WWOX: variants seen among roughly 807,000 people sequenced by gnomAD.
WWOX encodes the protein WW domain containing oxidoreductase, also known as WW domain-containing oxidoreductase.
Under a neutral mutation model 46.2 loss-of-function variants are expected in WWOX, and 69 were observed. That is an observed-to-expected ratio of 1.49 (90% confidence interval 1.23 to 1.82). WWOX has a LOEUF of 1.82. WWOX is among the 40% of genes most tolerant of loss of function. The pLI is 0.00. For missense variants in WWOX, 919 were observed against 542.6 expected (o/e 1.69, Z -6.89); for synonymous variants, 359 against 202.6 (o/e 1.77, Z -6.56).
intron 8 of WWOX, among the ~76,000 whole-genome samples, chr16:79,092,222 A>T (rs1262461474): frequency 1.3e-5 from 2 of 152,114 alleles, no homozygotes; most frequent in Non-Finnish European, 1.5e-5. Flanking sequence ...GACTAATAGG[A>T]TTCATTACAT....
At chr16:78,376,103 G>T (rs752641455) in intron 5 of WWOX, among the ~76,000 whole-genome samples, 1 of 152,144 alleles carries the variant, frequency 6.6e-6, no homozygotes, top group Non-Finnish European at 1.5e-5. Flanking sequence ...ACCCGCTTCA[G>T]CCTCCCAAAG....
chr16:79,174,910 A>G (rs1246628820), intron 8 of WWOX, among the ~76,000 whole-genome samples: 1 of 152,160 alleles, frequency 6.6e-6, no homozygotes, highest in Non-Finnish European at 1.5e-5. Context: ...TCATTTTGCA[A>G]AATGTATTCC....
chr16:78,513,675 C>G (rs1373629899), intron 8 of WWOX, among the ~76,000 whole-genome samples: 1 of 152,178 alleles, frequency 6.6e-6, no homozygotes, highest in Non-Finnish European at 1.5e-5. Flanking sequence ...TAAAAGGATT[C>G]TGTGTCAAAA....
Position 78,346,202 on chromosome 16 carries a change from G to C in WWOX, c.517-40658G>C, listed in dbSNP as rs1448968681. ...TGTACCCATACTGCTGCCTGTATCA[G>C]TGGCTTACTCATTGTCATTGGTGAG... On this transcript the variant is annotated intron_variant, in intron 5 of 8. Coordinates refer to ENST00000566780, the MANE Select transcript of WWOX (RefSeq NM_016373.4). 1.6e-5 allele frequency among the ~76,000 whole-genome samples: 2 copies of C among 121,652 alleles called. 1 individual carries two copies. The highest frequency in any genetic ancestry group is 3.9e-5 in the Non-Finnish European group (2 of 50,864). The allele number at this position is 121,652 out of a possible 152,430, so 79.8% of individuals were successfully genotyped here.
chr16:78,851,575 G>C (rs539862126), intron 8 of WWOX, among the ~76,000 whole-genome samples: 3 of 152,164 alleles, frequency 2.0e-5, no homozygotes, highest in Admixed American at 6.5e-5. Context: ...TTTCCCACTA[G>C]ACGGTGAGGG....
chr16:78,104,144 C>T (rs2031981322), intron 1 of WWOX, among the ~76,000 whole-genome samples: 1 of 151,838 alleles, frequency 6.6e-6, no homozygotes, highest in African/African-American at 2.4e-5. Flanking sequence ...TTTTGGCAGT[C>T]AGAGGCCTCA....
chr16:79,052,698 CT>C (rs2048191566), intron 8 of WWOX, among the ~76,000 whole-genome samples: 1 of 152,190 alleles, frequency 6.6e-6, no homozygotes, highest in Admixed American at 6.5e-5. Context: ...ATAAATGAGC[CT>C]GTCTCCTTTG....
intron 8 of WWOX, among the ~76,000 whole-genome samples, chr16:78,958,120 C>G (rs994991545): frequency 6.6e-6 from 1 of 152,104 alleles, no homozygotes; most frequent in African/African-American, 2.4e-5. Context: ...TTATTTGGTC[C>G]TATTGTTCCT....
At chr16:78,183,576 C>G (rs1597322396) in intron 5 of WWOX, among the ~76,000 whole-genome samples, 1 of 152,194 alleles carries the variant, frequency 6.6e-6, no homozygotes, top group East Asian at 1.9e-4. Context: ...TATTGCATCC[C>G]CGAACCGTAG....
chr16:78,986,746 A>T (rs955402878), intron 8 of WWOX, among the ~76,000 whole-genome samples: 1 of 152,152 alleles, frequency 6.6e-6, no homozygotes, highest in African/African-American at 2.4e-5. Flanking sequence ...CATCTTTGCC[A>T]TTTCTTGATA....
At chr16:78,893,080 G>C (rs574334021) in intron 8 of WWOX, among the ~76,000 whole-genome samples, 1 of 152,020 alleles carries the variant, frequency 6.6e-6, no homozygotes, top group Non-Finnish European at 1.5e-5. Flanking sequence ...GGAGTCAGGA[G>C]TTTCCATCTC....
intron 5 of WWOX, among the ~76,000 whole-genome samples, chr16:78,339,400 T>G (rs2151898565): frequency 8.5e-6 from 1 of 117,478 alleles, no homozygotes; most frequent in African/African-American, 2.9e-5. Flanking sequence ...CTGGAGCCTT[T>G]GTACCTTCTG....
At position 78,409,588 on chromosome 16, in the gene WWOX, T is replaced by C. The variant is rs543789923; in HGVS notation, c.606-15282T>C. Among the ~76,000 whole-genome samples, 3 of 152,374 alleles carry C rather than the reference T, an allele frequency of 2.0e-5. No homozygotes were observed. The South Asian group carries it at 6.2e-4, about 32-fold the overall frequency. On this transcript the variant is annotated intron_variant, in intron 6 of 8. Transcript: ENST00000566780. Reference sequence around the variant, plus strand: ...ACAGCAAACATACACTATCTCACTCTGTTAGTTTTCCATTGCTGTTGTAAT... The same window carrying C: ...ACAGCAAACATACACTATCTCACTCCGTTAGTTTTCCATTGCTGTTGTAAT...
At chr16:78,724,946 T>A (rs1030917422) in intron 8 of WWOX, among the ~76,000 whole-genome samples, 6 of 152,150 alleles carry the variant, frequency 3.9e-5, no homozygotes, top group African/African-American at 9.7e-5. Context: ...AGCAGGTATT[T>A]TACAGGTGCT....
intron 8 of WWOX, among the ~76,000 whole-genome samples, chr16:78,998,861 A>G (rs1412225862): frequency 2.0e-5 from 3 of 152,192 alleles, no homozygotes; most frequent in Admixed American, 1.3e-4. Flanking sequence ...ACACATCTCA[A>G]AGTTCCCTTA....
intron 8 of WWOX, among the ~76,000 whole-genome samples, chr16:78,477,527 C>A (rs2084379997): frequency 6.6e-6 from 1 of 151,960 alleles, no homozygotes. Context: ...AGTGTTCATG[C>A]CGCAATGCAC....
At chr16:78,966,730 A>G (rs529526722) in intron 8 of WWOX, among the ~76,000 whole-genome samples, 1 of 151,998 alleles carries the variant, frequency 6.6e-6, no homozygotes, top group South Asian at 2.1e-4. Flanking sequence ...ATATTGCAAA[A>G]CTCTTTTCAT....
intron 8 of WWOX, among the ~76,000 whole-genome samples, chr16:78,444,295 C>G (rs1180810181): frequency 6.6e-6 from 1 of 152,094 alleles, no homozygotes; most frequent in African/African-American, 2.4e-5. Context: ...CTTATCCTCT[C>G]TGGTCCTCAG....
chr16:78,386,101 A>G (rs1030016036), intron 5 of WWOX, among the ~76,000 whole-genome samples: 7 of 152,218 alleles, frequency 4.6e-5, no homozygotes, highest in African/African-American at 1.7e-4. Flanking sequence ...GACTGGGGTC[A>G]GTTCTTGTAC....
Sources: gnomAD v4.1 joint callset for allele counts (sites outside exome capture counted in the v4.1 genomes callset) on GRCh38, gnomAD v4.1.1 for gene constraint, MANE v1.5 for transcripts, NCBI Gene and HGNC (gene_info 2026-07-23, HGNC 2026-07-21) for gene names.